NLGN1: variants seen among roughly 807,000 people sequenced by gnomAD.
NLGN1 encodes neuroligin 1.
Under a neutral mutation model 65.5 loss-of-function variants are expected in NLGN1, and 12 were observed. That is an observed-to-expected ratio of 0.18 (90% CI 0.12 to 0.30). The LOEUF is 0.30. Ranked by LOEUF, NLGN1 falls within the 10% of genes least tolerant of loss-of-function variation. The pLI, the probability that NLGN1 is intolerant of heterozygous loss-of-function variation, is 1.00. For synonymous variants in NLGN1, 350 were observed against 359.5 expected (o/e 0.97, Z 0.30); for missense variants, 750 against 1,007.1 (o/e 0.74, Z 3.46).
chr3:174,273,617 C>G (rs1181009756), intron 4 of NLGN1, among the ~76,000 whole-genome samples: 1 of 151,654 alleles, frequency 6.6e-6, no homozygotes, highest in African/African-American at 2.4e-5. Context: ...AATTATTATG[C>G]AAATTCAAAG....
intron 1 of NLGN1, among the ~76,000 whole-genome samples, chr3:173,418,700 A>G (rs1288386571): frequency 1.3e-5 from 2 of 152,204 alleles, no homozygotes; most frequent in Non-Finnish European, 1.5e-5. Flanking sequence ...AAACACAGCT[A>G]TAGATCTTTG....
At chr3:174,224,026 G>T (rs949191879) in intron 4 of NLGN1, among the ~76,000 whole-genome samples, 1 of 152,060 alleles carries the variant, frequency 6.6e-6, no homozygotes, top group Non-Finnish European at 1.5e-5. Context: ...GAACTATTTT[G>T]TATGATAACC....
At chr3:173,704,102 A>T (rs2149898831) in intron 3 of NLGN1, among the ~76,000 whole-genome samples, 1 of 152,294 alleles carries the variant, frequency 6.6e-6, no homozygotes, top group Admixed American at 6.5e-5. Flanking sequence ...GCAGATGCAG[A>T]AGCTTCAGTT....
chr3:173,666,185 G>A (rs1327306099), intron 3 of NLGN1, among the ~76,000 whole-genome samples: 1 of 151,968 alleles, frequency 6.6e-6, no homozygotes, highest in Non-Finnish European at 1.5e-5. Flanking sequence ...TCATAATGTT[G>A]TAGTAAATAT....
intron 4 of NLGN1, among the ~76,000 whole-genome samples, chr3:174,077,602 C>A (rs2152543732): frequency 6.6e-6 from 1 of 152,110 alleles, no homozygotes; most frequent in Non-Finnish European, 1.5e-5. Flanking sequence ...CTGTCCCAGG[C>A]TGGAGTGTAG....
At chr3:173,504,091 C>G (rs556243459) in intron 2 of NLGN1, among the ~76,000 whole-genome samples, 1 of 152,104 alleles carries the variant, frequency 6.6e-6, no homozygotes, top group South Asian at 2.1e-4. Context: ...ATGTAATCAA[C>G]TTTAGTTATG....
chr3:173,417,965 G>A (rs1714130941), intron 1 of NLGN1, among the ~76,000 whole-genome samples: 1 of 151,352 alleles, frequency 6.6e-6, no homozygotes. Flanking sequence ...AAAAACAATT[G>A]AGCAGATAGG....
chr3:173,917,163 A>T (rs1449300852), intron 4 of NLGN1, among the ~76,000 whole-genome samples: 1 of 152,208 alleles, frequency 6.6e-6, no homozygotes, highest in Non-Finnish European at 1.5e-5. Flanking sequence ...TAGATTAAAG[A>T]TCTAATTTGC....
At chr3:174,129,652 G>T (rs1719756030) in intron 4 of NLGN1, among the ~76,000 whole-genome samples, 2 of 152,198 alleles carry the variant, frequency 1.3e-5, no homozygotes, top group African/African-American at 4.8e-5. Context: ...ACCCCAGCCA[G>T]TGAAACAGTA....
intron 2 of NLGN1, among the ~76,000 whole-genome samples, chr3:173,539,717 T>TGCATATGC (rs1560406866): frequency 7.7e-6 from 1 of 129,694 alleles, no homozygotes; most frequent in African/African-American, 3.2e-5. Flanking sequence ...TACATATATG[T>TGCATATGC]ACATATGCAC....
intron 4 of NLGN1, among the ~76,000 whole-genome samples, chr3:174,240,677 C>G (rs1347508412): frequency 6.6e-6 from 1 of 152,096 alleles, no homozygotes; most frequent in East Asian, 1.9e-4. Flanking sequence ...ACATCATGAC[C>G]CATGGATATT....
chr3:173,714,773 A>G (rs919029894), intron 3 of NLGN1, among the ~76,000 whole-genome samples: 3 of 152,106 alleles, frequency 2.0e-5, no homozygotes, highest in Admixed American at 1.3e-4. Context: ...ACTCTATAGT[A>G]TTACAGGAGA....
At chr3:173,415,890 AATAT>A (rs149873787) in intron 1 of NLGN1, among the ~76,000 whole-genome samples, 1 of 134,918 alleles carries the variant, frequency 7.4e-6, no homozygotes, top group Non-Finnish European at 1.5e-5. Context: ...GCAAGGAGTA[AATAT>A]ATATATATAT....
intron 1 of NLGN1, among the ~76,000 whole-genome samples, chr3:173,422,003 A>G (rs1553846174): frequency 6.6e-6 from 1 of 152,174 alleles, no homozygotes; most frequent in Non-Finnish European, 1.5e-5. Flanking sequence ...TAATGATCAA[A>G]TCAGAATAAT....
chr3:173,893,732 T>A (rs1471494517), intron 4 of NLGN1, among the ~76,000 whole-genome samples: 1 of 152,228 alleles, frequency 6.6e-6, no homozygotes, highest in Non-Finnish European at 1.5e-5. Flanking sequence ...AACCTCTTAC[T>A]TAACTCACCT....
chr3:173,772,662 C>G (rs868214557), intron 3 of NLGN1, among the ~76,000 whole-genome samples: 6 of 152,078 alleles, frequency 3.9e-5, no homozygotes, highest in African/African-American at 1.2e-4. Flanking sequence ...ACTTGATATG[C>G]CCCACATTTT....
chr3:173,820,569 A>G (rs1045363212), intron 4 of NLGN1, among the ~76,000 whole-genome samples: 2 of 152,220 alleles, frequency 1.3e-5, no homozygotes. Context: ...CTCTATGCAT[A>G]TGTACCTATG....
intron 4 of NLGN1, among the ~76,000 whole-genome samples, chr3:173,854,953 G>A (rs754013980): frequency 1.3e-5 from 2 of 152,046 alleles, no homozygotes; most frequent in South Asian, 2.1e-4. Context: ...ACTAGTAAAT[G>A]TTTTGTTCAA....
At chr3:173,597,792 A>G (rs1321745635) in intron 2 of NLGN1, among the ~76,000 whole-genome samples, 1 of 83,896 alleles carries the variant, frequency 1.2e-5, no homozygotes, top group East Asian at 4.7e-4. Flanking sequence ...ACAGTATTTT[A>G]AAATGTCTTA....
Sources: gnomAD v4.1 joint callset for allele counts (sites outside exome capture counted in the v4.1 genomes callset) on GRCh38, gnomAD v4.1.1 for gene constraint, MANE v1.5 for transcripts, NCBI Gene and HGNC (gene_info 2026-07-23, HGNC 2026-07-21) for gene names.